The following KIAA0232 variants were observed in gnomAD, a reference collection of about 807,000 sequenced individuals.
The protein encoded by KIAA0232 is uncharacterized protein KIAA0232.
KIAA0232 carries 27 observed loss-of-function variants against 122.0 expected under a neutral mutation model. The observed-to-expected ratio is 0.22, with a 90% CI of 0.16 to 0.31. KIAA0232 has a LOEUF of 0.31. KIAA0232 is among the 10% of genes least tolerant of loss of function. The probability of loss-of-function intolerance (pLI) is 1.00; values close to 1 mark genes in which losing one functional copy is unlikely to be tolerated. For missense variants in KIAA0232, 1,551 were observed against 1,634.2 expected (o/e 0.95, Z 0.88); for synonymous variants, 613 against 587.6 (o/e 1.04, Z -0.63).
At chr4:6,875,184 G>GC (rs1435926522) in intron 8 of KIAA0232, among the ~76,000 whole-genome samples, 1 of 152,246 alleles carries the variant, frequency 6.6e-6, no homozygotes, top group Non-Finnish European at 1.5e-5. Context: ...ACGCCTCCAA[G>GC]CCTATGGCTT....
rs1336663705 is a variant in KIAA0232 at position 6,824,181 on chromosome 4, G to C, written c.-269-4G>C. On this transcript the variant is annotated splice_polypyrimidine_tract_variant and splice_region_variant and intron_variant, in intron 2 of 9. Transcript: ENST00000307659. ...ATACTTTTTTTCCTCTCTCATTTTT[G>C]TAGGTTCTGCCGGAGACTTCCATTT... is the stretch of plus-strand genomic sequence containing the variant. 2.0e-6 allele frequency: 1 copy of C among 499,446 alleles called. No individual in the cohort carries two copies. Among genetic ancestry groups the C allele is most frequent in the Non-Finnish European group, 3.5e-6 (1 of 282,920 alleles). The allele number at this position is 499,446 out of a possible 1,614,324, so 30.9% of individuals were successfully genotyped here. A position where few individuals can be genotyped will look rare whatever the true frequency, so the allele number is the denominator to read the frequency against.
At chr4:6,838,322 G>GGGACT (rs1719457322) in intron 3 of KIAA0232, among the ~76,000 whole-genome samples, 1 of 151,948 alleles carries the variant, frequency 6.6e-6, no homozygotes, top group Admixed American at 6.6e-5. Flanking sequence ...CCAAGTAGCT[G>GGGACT]GGACTGCAGG....
At chr4:6,870,639 C>T (rs143303238) in intron 7 of KIAA0232, among the ~76,000 whole-genome samples, 278 of 152,152 alleles carry the variant, frequency 1.8e-3, no homozygotes, top group African/African-American at 6.3e-3. Context: ...CCTGTCTCTA[C>T]TAAAAATACA....
chr4:6,793,736 A>T (rs1016929763), intron 1 of KIAA0232, among the ~76,000 whole-genome samples: 5 of 152,214 alleles, frequency 3.3e-5, no homozygotes, highest in African/African-American at 1.2e-4. Flanking sequence ...ACACTGGTTA[A>T]CCGTTCTAAT....
At chr4:6,816,613 T>C (rs1323329106) in intron 2 of KIAA0232, among the ~76,000 whole-genome samples, 2 of 152,190 alleles carry the variant, frequency 1.3e-5, no homozygotes, top group Non-Finnish European at 2.9e-5. Context: ...TGGCTTTTGG[T>C]ATCAGTTTAA....
At chr4:6,806,372 A>G (rs969750870) in intron 2 of KIAA0232, among the ~76,000 whole-genome samples, 1 of 152,244 alleles carries the variant, frequency 6.6e-6, no homozygotes, top group African/African-American at 2.4e-5. Context: ...TAAGTTAGAC[A>G]TAAAACAATG....
chr4:6,829,057 A>G (rs1282277723), intron 3 of KIAA0232, among the ~76,000 whole-genome samples: 1 of 151,956 alleles, frequency 6.6e-6, no homozygotes, highest in African/African-American at 2.4e-5. Flanking sequence ...TTTCATCTGT[A>G]ATAATTCCTT....
chr4:6,787,177 C>CAAAAAAAAAAAAAAA (rs34617834), intron 1 of KIAA0232, among the ~76,000 whole-genome samples: 1 of 81,442 alleles, frequency 1.2e-5, no homozygotes, highest in Non-Finnish European at 2.3e-5. Flanking sequence ...AAGGCTCTCT[C>CAAAAAAAAAAAAAAA]AAAAAAAAAA....
chr4:6,783,167 G>T (rs2108835404), intron 1 of KIAA0232, among the ~76,000 whole-genome samples: 1 of 151,856 alleles, frequency 6.6e-6, no homozygotes, highest in South Asian at 2.1e-4. Flanking sequence ...AGGGAGACCG[G>T]GCCGCTGTTG....
chr4:6,824,667 T>A lies in KIAA0232; in HGVS notation c.214T>A (p.Tyr72Asn), dbSNP rs1718585180. 8.1e-6 allele frequency: 13 copies of A among 1,613,928 alleles called. No individual in the cohort carries two copies. Among genetic ancestry groups the A allele is most frequent in the Non-Finnish European group, 1.1e-5 (13 of 1,179,870 alleles). ...TCTTCTGCTGCATGACAGCTATGAC[T>A]ACGACCTGCAGGAACAGGTATTTAC... ...LSLLLHDSYD[Y>N]DLQEQENDIF... Residue 72 changes from tyrosine (Y) to asparagine (N), a missense_variant, in exon 3 of 10, where the codon TAC (tyrosine) becomes AAC (asparagine). Transcript: ENST00000307659.
chr4:6,850,722 A>C (rs1474310981), intron 4 of KIAA0232, among the ~76,000 whole-genome samples: 1 of 150,634 alleles, frequency 6.6e-6, no homozygotes, highest in Non-Finnish European at 1.5e-5. Flanking sequence ...GCTGGAGTGC[A>C]GTGGCGTTAT....
Position 6,825,246 on chromosome 4 carries a change from G to A in KIAA0232, c.231+562G>A, listed in dbSNP as rs562246645. Among the ~76,000 whole-genome samples, 69 of 152,200 alleles carry A rather than the reference G, an allele frequency of 4.5e-4. 1 individual carries two copies. The South Asian group carries it at 0.011, about 24-fold the overall frequency. On this transcript the variant is annotated intron_variant, in intron 3 of 9. Transcript: ENST00000307659. ...ATTACACATTTTATTTGACTTTGCC[G>A]CTGAGTTTATAGTGAGAAATTGGGC...
At chr4:6,799,961 T>C (rs1043201850) in intron 1 of KIAA0232, among the ~76,000 whole-genome samples, 1 of 151,430 alleles carries the variant, frequency 6.6e-6, no homozygotes, top group Non-Finnish European at 1.5e-5. Context: ...CCAAAGTGCT[T>C]GGATGACAGG....
chr4:6,838,851 A>G (rs1334521560), intron 3 of KIAA0232, among the ~76,000 whole-genome samples: 2 of 151,650 alleles, frequency 1.3e-5, no homozygotes, highest in Admixed American at 6.6e-5. Flanking sequence ...AAAGCTGGCC[A>G]GGTGAGGTGG....
rs1422658515 is a variant in KIAA0232 at position 6,883,594 on chromosome 4, C to T, written c.*2628C>T. 1.3e-5 allele frequency: 2 copies of T among 152,196 alleles called. No homozygotes were observed. Among genetic ancestry groups the T allele is most frequent in the Non-Finnish European group, 2.9e-5 (2 of 68,026 alleles). The allele number at this position is 152,196 out of a possible 1,614,324, so 9.4% of individuals were successfully genotyped here. A position where few individuals can be genotyped will look rare whatever the true frequency, so the allele number is the denominator to read the frequency against. ...CAGCGGCTCCTCCCCATCTCACCCC[C>T]AGCACACGCAGGGACTACTACCTGA... is the stretch of plus-strand genomic sequence containing the variant. On this transcript the variant is annotated 3_prime_UTR_variant, in exon 10 of 10. Transcript: ENST00000307659.
intron 1 of KIAA0232, among the ~76,000 whole-genome samples, chr4:6,786,412 C>T (rs911248719): frequency 5.3e-5 from 8 of 152,182 alleles, no homozygotes; most frequent in African/African-American, 1.4e-4. Flanking sequence ...AAGTGATCCT[C>T]CCACCTCAGC....
In KIAA0232 at chr4:6,861,349, C is replaced by CG; in HGVS notation, c.968dup (p.Asn324LysfsTer17). ...AGTAAGACACAAGGCACGAGAGATT[C>CG]GAAACAAAAAAGGGCGGAATGGGCA... is the stretch of plus-strand genomic sequence containing the variant. On this transcript the variant is annotated frameshift_variant, in exon 7 of 10. Coordinates refer to ENST00000307659, the MANE Select transcript of KIAA0232 (RefSeq NM_014743.3). LOFTEE classifies it high-confidence loss of function. 1 of 1,613,854 alleles carries CG rather than the reference C, an allele frequency of 6.2e-7. No individual in the cohort carries two copies. Among genetic ancestry groups the CG allele is most frequent in the Non-Finnish European group, 8.5e-7 (1 of 1,179,970 alleles).
chr4:6,837,893 G>A (rs1719413328), intron 3 of KIAA0232, among the ~76,000 whole-genome samples: 1 of 149,872 alleles, frequency 6.7e-6, no homozygotes, highest in South Asian at 2.1e-4. Flanking sequence ...GGGCATTAGA[G>A]GGAGACCGTG....
intron 2 of KIAA0232, among the ~76,000 whole-genome samples, chr4:6,812,184 G>A (rs1717909840): frequency 6.6e-6 from 1 of 152,146 alleles, no homozygotes; most frequent in African/African-American, 2.4e-5. Flanking sequence ...GAGCTAATGA[G>A]TCTTTATTAA....
Sources: allele counts gnomAD v4.1 joint callset (sites outside exome capture counted in the v4.1 genomes callset), GRCh38; gene constraint gnomAD v4.1.1; transcripts MANE v1.5; gene names NCBI Gene and HGNC (gene_info 2026-07-23, HGNC 2026-07-21).